The following ZDHHC14 variants were observed in gnomAD, a reference collection of about 807,000 sequenced individuals.
ZDHHC14 encodes the protein zDHHC palmitoyltransferase 14.
Under a neutral mutation model 47.7 loss-of-function variants are expected in ZDHHC14, and 16 were observed. The observed-to-expected ratio is 0.34, with a 90% CI of 0.23 to 0.51. The LOEUF (loss-of-function observed/expected upper bound fraction) is 0.51. Ranked by LOEUF, ZDHHC14 falls within the 20% of genes least tolerant of loss-of-function variation. ZDHHC14 has a pLI of 0.97. For missense variants in ZDHHC14, 515 were observed against 662.5 expected (o/e 0.78, Z 2.44); for synonymous variants, 293 against 278.9 (o/e 1.05, Z -0.50).
At chr6:157,591,186 TG>T (rs1022675474) in intron 2 of ZDHHC14, among the ~76,000 whole-genome samples, 2 of 152,212 alleles carry the variant, frequency 1.3e-5, no homozygotes, top group African/African-American at 4.8e-5. Context: ...AATGCTAGAA[TG>T]AGCTAAGACT....
chr6:157,670,871 C>G, intron 8 of ZDHHC14, among the ~76,000 whole-genome samples: 1 of 152,200 alleles, frequency 6.6e-6, no homozygotes, highest in Non-Finnish European at 1.5e-5. Context: ...CCTCAACCTT[C>G]TCTTCTAGGC....
chr6:157,488,134 T>C (rs1779827904), intron 1 of ZDHHC14, among the ~76,000 whole-genome samples: 1 of 152,114 alleles, frequency 6.6e-6, no homozygotes, highest in African/African-American at 2.4e-5. Context: ...AGGCCTCCCT[T>C]CCCAGAGGCA....
intron 1 of ZDHHC14, among the ~76,000 whole-genome samples, chr6:157,415,882 A>G (rs1252113688): frequency 6.6e-6 from 1 of 152,250 alleles, no homozygotes; most frequent in Non-Finnish European, 1.5e-5. Flanking sequence ...TCAAAAAAAA[A>G]AAAAAGAAAA....
intron 3 of ZDHHC14, among the ~76,000 whole-genome samples, chr6:157,627,505 T>C (rs1785485263): frequency 6.6e-6 from 1 of 152,182 alleles, no homozygotes; most frequent in South Asian, 2.1e-4. Context: ...GAAGAACAAA[T>C]CTCAAATGCA....
chr6:157,392,041 C>A (rs75967612), intron 1 of ZDHHC14, among the ~76,000 whole-genome samples: 2 of 152,158 alleles, frequency 1.3e-5, no homozygotes, highest in African/African-American at 4.8e-5. Context: ...GTATGTAATG[C>A]GGAATCTGCA....
At chr6:157,414,700 A>G (rs893618765) in intron 1 of ZDHHC14, among the ~76,000 whole-genome samples, 22 of 152,168 alleles carry the variant, frequency 1.4e-4, no homozygotes, top group African/African-American at 5.3e-4. Flanking sequence ...TTGCAATGTC[A>G]GAGGATATTC....
chr6:157,455,882 G>GCGCTCTGC (rs1778900926), intron 1 of ZDHHC14, among the ~76,000 whole-genome samples: 1 of 152,194 alleles, frequency 6.6e-6, no homozygotes, highest in Non-Finnish European at 1.5e-5. Flanking sequence ...TGTCTGAGCG[G>GCGCTCTGC]CGCTCTGCCT....
At position 157,558,592 on chromosome 6, in the gene ZDHHC14, T is replaced by C. The variant is rs547311738; in HGVS notation, c.406+15847T>C. ...GGCCCATCAGTAAAGAAAGATTGGA[T>C]TCAGGCAAAAGCAATGAAAGACTCA... is the stretch of plus-strand genomic sequence containing the variant. On this transcript the variant is annotated intron_variant, in intron 2 of 8. Coordinates refer to ENST00000359775, the MANE Select transcript of ZDHHC14 (RefSeq NM_024630.3). Among the ~76,000 whole-genome samples the C allele has an allele frequency of 3.3e-5, 5 of 152,270 alleles. No individual in the cohort carries two copies. In the East Asian group the frequency reaches 9.6e-4, roughly 29 times the overall value.
rs1448831422 is a variant in ZDHHC14 at position 157,665,932 on chromosome 6, C to A, written c.1069-6792C>A. Among the ~76,000 whole-genome samples, 3 of 152,166 alleles carry A rather than the reference C, an allele frequency of 2.0e-5. No homozygotes were observed. The South Asian group carries it at 6.2e-4, about 32-fold the overall frequency. ...TGCCATCTGAACTCCTATGAAATTT[C>A]AAGGACCCATACTGGAAGTATGTGC... On this transcript the variant is annotated intron_variant, in intron 8 of 8. Transcript: ENST00000359775.
intron 2 of ZDHHC14, among the ~76,000 whole-genome samples, chr6:157,544,797 G>T (rs989718674): frequency 1.3e-5 from 2 of 152,194 alleles, no homozygotes; most frequent in African/African-American, 4.8e-5. Flanking sequence ...TTACTGGTGG[G>T]ATTGTAAAAT....
chr6:157,460,320 G>A (rs1779046343), intron 1 of ZDHHC14, among the ~76,000 whole-genome samples: 1 of 141,242 alleles, frequency 7.1e-6, no homozygotes. Flanking sequence ...GATTGCTTGA[G>A]CCCATGAAGT....
intron 2 of ZDHHC14, among the ~76,000 whole-genome samples, chr6:157,543,458 G>T (rs919299023): frequency 2.6e-5 from 4 of 152,120 alleles, no homozygotes; most frequent in Admixed American, 2.6e-4. Flanking sequence ...CATGGCAGAG[G>T]AGCTGTGATG....
chr6:157,426,601 A>C (rs1431124213), intron 1 of ZDHHC14, among the ~76,000 whole-genome samples: 1 of 152,028 alleles, frequency 6.6e-6, no homozygotes. Flanking sequence ...CTGGTGCTTG[A>C]CACTGGGGAA....
intron 1 of ZDHHC14, among the ~76,000 whole-genome samples, chr6:157,487,797 CG>C (rs1562445494): frequency 6.6e-6 from 1 of 152,168 alleles, no homozygotes; most frequent in Non-Finnish European, 1.5e-5. Context: ...CTGGCAGCCT[CG>C]GCAGCCTCAT....
At chr6:157,489,490 G>T (rs1485019571) in intron 1 of ZDHHC14, among the ~76,000 whole-genome samples, 2 of 151,184 alleles carry the variant, frequency 1.3e-5, no homozygotes, top group South Asian at 4.2e-4. Context: ...AAAAAACGTT[G>T]TTCTCATTTC....
chr6:157,662,667 G>A (rs761392157), intron 8 of ZDHHC14, among the ~76,000 whole-genome samples: 1 of 152,236 alleles, frequency 6.6e-6, no homozygotes, highest in Non-Finnish European at 1.5e-5. Flanking sequence ...CTAGAGGGAA[G>A]GAGTTCTCTT....
At chr6:157,382,323 C>T (rs1342632548) in intron 1 of ZDHHC14, 57 bp downstream of exon 1, 4 of 1,575,492 alleles carry the variant, frequency 2.5e-6, no homozygotes, top group East Asian at 2.3e-5. Context: ...CCCTGTCCCC[C>T]GCCCCTCCTC....
chr6:157,462,000 A>G (rs1779099073), intron 1 of ZDHHC14, among the ~76,000 whole-genome samples: 1 of 152,138 alleles, frequency 6.6e-6, no homozygotes, highest in Admixed American at 6.5e-5. Flanking sequence ...GTTGGGTCAG[A>G]TCCTGGTCTA....
chr6:157,431,785 G>A (rs1211843397), intron 1 of ZDHHC14, among the ~76,000 whole-genome samples: 2 of 150,216 alleles, frequency 1.3e-5, no homozygotes, highest in Admixed American at 1.3e-4. Context: ...GCTAGAGTGC[G>A]GTGTCATGAT....
Sources: gnomAD v4.1 joint callset for allele counts (sites outside exome capture counted in the v4.1 genomes callset) on GRCh38, gnomAD v4.1.1 for gene constraint, MANE v1.5 for transcripts, NCBI Gene and HGNC (gene_info 2026-07-23, HGNC 2026-07-21) for gene names.